The following DGCR8 variants were observed in gnomAD, a reference collection of about 807,000 sequenced individuals.
The protein encoded by DGCR8 is microprocessor complex subunit DGCR8.
A neutral mutation model predicts 78.5 loss-of-function variants in DGCR8; 14 were observed. The ratio of observed to expected loss-of-function variants is 0.18; its 90% CI spans 0.12 to 0.28. The LOEUF is 0.28. Ranked by LOEUF, DGCR8 falls within the 10% of genes least tolerant of loss-of-function variation. DGCR8 has a pLI of 1.00. For synonymous variants in DGCR8, 399 were observed against 402.4 expected (o/e 0.99, Z 0.10); for missense variants, 702 against 1,022.5 (o/e 0.69, Z 4.28).
chr22:20,088,020 G>T, intron 3 of DGCR8, among the ~76,000 whole-genome samples: 1 of 152,102 alleles, frequency 6.6e-6, no homozygotes, highest in Admixed American at 6.6e-5. Flanking sequence ...AGGGACTGAA[G>T]AGATGCACGG....
At position 20,086,477 on chromosome 22, in the gene DGCR8, G is replaced by C. The variant is rs555922599; in HGVS notation, c.514G>C (p.Val172Leu). The stretch of plus-strand genomic sequence containing the variant: ...CTTTGGCGGGAGTGTTGGTGACGGG[G>C]TAGGCATAGGGGGTGAGAGTGCTGA... ...CPFGGSVGDG[V>L]GIGGESADKK... Residue 172 changes from valine to leucine, a missense_variant, in exon 2 of 14, where the codon GTA becomes CTA. Val to Leu is a conservative substitution (Grantham distance 32, BLOSUM62 1). Transcript: ENST00000351989. The surrounding 1 kb of genome is among the most constrained non-coding windows in gnomAD (Gnocchi z 6.4). The C allele has an allele frequency of 9.3e-6, 15 of 1,613,934 alleles. No homozygotes were observed. The highest frequency in any genetic ancestry group is 1.3e-5 in the Non-Finnish European group (15 of 1,180,036).
rs1032121189 is a variant in DGCR8, at chr22:20,087,723, G to A, written c.880+402G>A. On this transcript the variant is annotated intron_variant, in intron 3 of 13. Transcript: ENST00000351989. The surrounding 1 kb of genome is among the most constrained non-coding windows in gnomAD (Gnocchi z 4.1). ...TCCAGGTTCTAGTCCTGGACCAAGTGTCACAGGAAGCCACCAGAAGCAAGT... is the reference window on the plus strand; with the variant it reads ...TCCAGGTTCTAGTCCTGGACCAAGTATCACAGGAAGCCACCAGAAGCAAGT... Among the ~76,000 whole-genome samples, 2 of 152,190 alleles carry A rather than the reference G, an allele frequency of 1.3e-5. No homozygotes were observed. Among genetic ancestry groups the A allele is most frequent in the African/African-American group, 4.8e-5 (2 of 41,448 alleles).
chr22:20,086,772 TAAAAAAA>T lies in DGCR8; in HGVS notation c.720+97_720+103del. Reference sequence around the variant, plus strand: ...CAGCATCTTTTGAAAGCAGGGAAATTAAAAAAAAAAAAAACAAAAACCAAAATCCCCT... The same window carrying T: ...CAGCATCTTTTGAAAGCAGGGAAATTAAAAAAACAAAAACCAAAATCCCCT... On this transcript the variant is annotated intron_variant, in intron 2 of 13. Transcript: ENST00000351989. This position sits in a 1 kb window ranked among gnomAD's most constrained non-coding sequence, Gnocchi z 6.4. 2 of 1,150,294 alleles carry T rather than the reference TAAAAAAA, an allele frequency of 1.7e-6. No individual in the cohort carries two copies. Among genetic ancestry groups the T allele is most frequent in the Non-Finnish European group, 2.3e-6 (2 of 855,486 alleles). 71.3% of individuals were successfully genotyped at this position (1,150,294 alleles called of 1,614,324 possible). A position where few individuals can be genotyped will look rare whatever the true frequency, so the allele number is the denominator to read the frequency against.
Position 20,111,700 on chromosome 22 carries a change from C to G in DGCR8, c.*1592C>G. The G allele has an allele frequency of 1.7e-5, 3 of 173,006 alleles. No homozygotes were observed. The highest frequency in any genetic ancestry group is 3.2e-5 in the Non-Finnish European group (3 of 92,538). The allele number at this position is 173,006 out of a possible 1,614,324, so 10.7% of individuals were successfully genotyped here. A position where few individuals can be genotyped will look rare whatever the true frequency, so the allele number is the denominator to read the frequency against. On this transcript the variant is annotated 3_prime_UTR_variant, in exon 14 of 14. Transcript: ENST00000351989. ...AGGTGCTGCCATACTCTTGTGGTCTCTGTGCGCCCCCCCCCCCCCCCCACC... is the reference window on the plus strand; with the variant it reads ...AGGTGCTGCCATACTCTTGTGGTCTGTGTGCGCCCCCCCCCCCCCCCCACC...
intron 1 of DGCR8, chr22:20,084,978 G>A (rs1417232906): frequency 1.0e-6 from 1 of 985,242 alleles, no homozygotes; most frequent in East Asian, 1.1e-4. Flanking sequence ...TGGCACCCAG[G>A]CCTCTCTGTG....
chr22:20,107,311 G>C lies in DGCR8; in HGVS notation c.2037G>C (p.Lys679Asn). 1 of 1,614,186 alleles carries C rather than the reference G, an allele frequency of 6.2e-7. No homozygotes were observed. Among genetic ancestry groups the C allele is most frequent in the South Asian group, 1.1e-5 (1 of 91,090 alleles). ...KRVGKQLASQ[K>N]ILQLLHPHVK... ...TTGGAAAGCAGTTAGCCTCACAGAAGATCCTTCAGCTGCTGCACCCACATG... is the reference window on the plus strand; with the variant it reads ...TTGGAAAGCAGTTAGCCTCACAGAACATCCTTCAGCTGCTGCACCCACATG... Residue 679 changes from lysine to asparagine, a missense_variant, in exon 12 of 14, where the codon AAG becomes AAC. Transcript: ENST00000351989.
In DGCR8 at chr22:20,087,276, A is replaced by T; in HGVS notation, c.835A>T (p.Thr279Ser). The change falls in exon 3 of 14, where the codon ACA becomes TCA. Residue 279 changes from threonine to serine, a missense_variant. By Grantham distance (58) the Thr-to-Ser change is moderately conservative. Transcript: ENST00000351989. The surrounding 1 kb of genome is among the most constrained non-coding windows in gnomAD (Gnocchi z 4.1). ...CAGCGACCATCCGTCCGATGGAGAG[A>T]CAAGTGTGCAGCCGATGATGACCAA... is the stretch of plus-strand genomic sequence containing the variant. ...GDSDHPSDGE[T>S]SVQPMMTKIK... is the part of the protein sequence containing the mutation. 1 of 1,613,840 alleles carries T rather than the reference A, an allele frequency of 6.2e-7. No homozygotes were observed. Among genetic ancestry groups the T allele is most frequent in the African/African-American group, 1.3e-5 (1 of 75,038 alleles).
chr22:20,108,015 T>G (rs2049790692), intron 12 of DGCR8: 4 of 155,816 alleles, frequency 2.6e-5, no homozygotes, highest in Admixed American at 2.5e-4. Flanking sequence ...GTGGAGGGGT[T>G]AGGCCTGCAG....
chr22:20,085,313 C>T lies in DGCR8; in HGVS notation c.-277-374C>T, dbSNP rs981131159. The stretch of plus-strand genomic sequence containing the variant: ...TGCTCTGGTGGCCTGAGGGAGGCCA[C>T]GCGCCTTCTGTGTGTTCCAGAAAGG... On this transcript the variant is annotated intron_variant, in intron 1 of 13. Transcript: ENST00000351989. This position sits in a 1 kb window ranked among gnomAD's most constrained non-coding sequence, Gnocchi z 6.2. Among the ~76,000 whole-genome samples the T allele has an allele frequency of 3.9e-5, 6 of 152,182 alleles. No homozygotes were observed. The highest frequency in any genetic ancestry group is 2.0e-4 in the Admixed American group (3 of 15,288).
intron 9 of DGCR8, chr22:20,100,347 G>T: frequency 1.0e-6 from 1 of 985,346 alleles, no homozygotes; most frequent in Non-Finnish European, 1.2e-6. Flanking sequence ...TTATAGGCGT[G>T]AGCCACTGCA....
At chr22:20,109,143 C>A in intron 13 of DGCR8, 140 bp downstream of exon 13, 1 of 582,598 alleles carries the variant, frequency 1.7e-6, no homozygotes, top group South Asian at 1.9e-5. Context: ...CAGATACAGG[C>A]TTTTCTTTGA....
rs938090778 is a variant in DGCR8, at chr22:20,084,947, C to T, written c.-277-740C>T. On this transcript the variant is annotated intron_variant, in intron 1 of 13. Coordinates refer to ENST00000351989, the MANE Select transcript of DGCR8 (RefSeq NM_022720.7). ...ACCTTCAGTGGCTCCTTATTGTCCC[C>T]AGGGCGGAACGGGCTGCAGGTGGCA... The T allele has an allele frequency of 7.1e-6, 7 of 984,608 alleles. No homozygotes were observed. The African/African-American group carries it at 1.2e-4, about 17-fold the overall frequency. 61.0% of individuals were successfully genotyped at this position (984,608 alleles called of 1,614,324 possible).
At position 20,086,617 on chromosome 22, in the gene DGCR8, G is replaced by A. The variant is rs2049486924; in HGVS notation, c.654G>A (p.Gly218=). 1.9e-6 allele frequency: 3 copies of A among 1,612,922 alleles called. No homozygotes were observed. The highest frequency in any genetic ancestry group is 2.2e-5 in the East Asian group (1 of 44,878). The stretch of plus-strand genomic sequence containing the variant: ...AGCTAGATGAAGAAGGAGCAGGCGG[G>A]TTCACGGCTAAAGCAATCGTTCAGA... ...NLELDEEGAG[G]FTAKAIVQRD... is the part of the protein sequence containing the mutation. The change falls in exon 2 of 14, where the codon GGG becomes GGA. Residue 218 remains glycine (G), a synonymous_variant. Coordinates refer to ENST00000351989, the MANE Select transcript of DGCR8 (RefSeq NM_022720.7). The surrounding 1 kb of genome is among the most constrained non-coding windows in gnomAD (Gnocchi z 6.4).
In DGCR8 at chr22:20,092,044, C is replaced by T; in HGVS notation, c.1606+74C>T. On this transcript the variant is annotated intron_variant, in intron 7 of 13. Coordinates refer to ENST00000351989, the MANE Select transcript of DGCR8 (RefSeq NM_022720.7). ...CTTTGGTCAGGGCTGGGGAGGCAGG[C>T]GCTGACCGCTAGCCCTACTCTACTG... 3.5e-6 allele frequency: 4 copies of T among 1,153,718 alleles called. 1 individual carries two copies. The South Asian group carries it at 3.9e-5, about 11-fold the overall frequency. The allele number at this position is 1,153,718 out of a possible 1,614,324, so 71.5% of individuals were successfully genotyped here.
At chr22:20,081,071 A>T (rs561301674) in intron 1 of DGCR8, among the ~76,000 whole-genome samples, 1 of 152,304 alleles carries the variant, frequency 6.6e-6, no homozygotes, top group East Asian at 1.9e-4. Context: ...GAGTGGCCCA[A>T]ACCCTGCTGC....
intron 9 of DGCR8, chr22:20,101,793 G>C (rs764011101): frequency 1.5e-5 from 15 of 985,346 alleles, no homozygotes; most frequent in Non-Finnish European, 1.8e-5. Context: ...CTGTGCAGAG[G>C]TGCCAACACC....
Position 20,094,878 on chromosome 22 carries a change from G to T in DGCR8, c.1788+83G>T, listed in dbSNP as rs188252845. 3.8e-4 allele frequency: 475 copies of T among 1,241,106 alleles called. 2 individuals are homozygous for T. In the African/African-American group the frequency reaches 6.2e-3, roughly 16 times the overall value. The allele number at this position is 1,241,106 out of a possible 1,614,324, so 76.9% of individuals were successfully genotyped here. ...CTGTTAGTGTGAGCTGGGGGTGTCC[G>T]TGGGCTGTGCTCATGCCTTCCATGC... is the stretch of plus-strand genomic sequence containing the variant. On this transcript the variant is annotated intron_variant, in intron 9 of 13. Transcript: ENST00000351989.
At position 20,108,449 on chromosome 22, in the gene DGCR8, T is replaced by C. The variant is rs533273219; in HGVS notation, c.2125-441T>C. The C allele has an allele frequency of 2.6e-5, 4 of 156,188 alleles. No individual in the cohort carries two copies. The South Asian group carries it at 7.8e-4, about 30-fold the overall frequency. 9.7% of individuals were successfully genotyped at this position (156,188 alleles called of 1,614,324 possible). ...GGGCTGGCCTAAGACGGGAAGGGGC[T>C]GAGGCCAGCCTGATGCTGCTCTGCA... On this transcript the variant is annotated intron_variant, in intron 12 of 13. Coordinates refer to ENST00000351989, the MANE Select transcript of DGCR8 (RefSeq NM_022720.7).
rs1485497338 is a variant in DGCR8 at position 20,098,117 on chromosome 22, C to A, written c.1788+3322C>A. 2.8e-5 allele frequency among the ~76,000 whole-genome samples: 4 copies of A among 143,300 alleles called. No homozygotes were observed. In the East Asian group the frequency reaches 8.0e-4, roughly 29 times the overall value. The allele number at this position is 143,300 out of a possible 152,430, so 94.0% of individuals were successfully genotyped here. A position where few individuals can be genotyped will look rare whatever the true frequency, so the allele number is the denominator to read the frequency against. On this transcript the variant is annotated intron_variant, in intron 9 of 13. Transcript: ENST00000351989. ...GCTCCAGCCTGGTGACAGAGCGAGA[C>A]TCCTGTCTCAAAAAAAAAAAAAGGA...
Sources: gnomAD v4.1 joint callset for allele counts (sites outside exome capture counted in the v4.1 genomes callset) on GRCh38, gnomAD v4.1.1 for gene constraint, Gnocchi (gnomAD v3.1) non-coding constraint, MANE v1.5 for transcripts, NCBI Gene and HGNC (gene_info 2026-07-23, HGNC 2026-07-21) for gene names.